The following SNAP25 variants were observed in gnomAD, a reference collection of about 807,000 sequenced individuals.
The protein encoded by SNAP25 is synaptosomal-associated protein 25.
A neutral mutation model predicts 28.7 loss-of-function variants in SNAP25; 3 were observed. The observed-to-expected ratio is 0.10, with a 90% CI of 0.05 to 0.27. The LOEUF is 0.27. Among genes scored for constraint, SNAP25 ranks in the 10% least tolerant of loss-of-function variants. The pLI, the probability that SNAP25 is intolerant of heterozygous loss-of-function variation, is 1.00. For synonymous variants in SNAP25, 61 were observed against 88.1 expected, an observed-to-expected ratio of 0.69 and a Z score of 1.72; for missense variants, 117 against 278.7, an observed-to-expected ratio of 0.42 and a Z score of 4.13.
intron 1 of SNAP25, among the ~76,000 whole-genome samples, chr20:10,223,670 A>T (rs1263804254): frequency 2.2e-5 from 3 of 133,446 alleles, no homozygotes; most frequent in African/African-American, 5.4e-5. Flanking sequence ...ACAAAAAGTT[A>T]AAAAAAAAAG....
At position 10,251,402 on chromosome 20, in the gene SNAP25, C is replaced by T. The variant is rs114017809; in HGVS notation, c.-63-24027C>T. 3.2e-3 allele frequency among the ~76,000 whole-genome samples: 494 copies of T among 152,274 alleles called. 2 individuals carry two copies. The highest frequency in any genetic ancestry group is 0.011 in the African/African-American group (464 of 41,548). ...AGCCTTGGTCCAAGCTGCCAGCCTA[C>T]TCCAGGAGATGCCATTTGTTCAGAA... On this transcript the variant is annotated intron_variant, in intron 1 of 7. Transcript: ENST00000254976.
intron 1 of SNAP25, among the ~76,000 whole-genome samples, chr20:10,238,900 G>A (rs549969357): frequency 6.7e-5 from 8 of 119,502 alleles, no homozygotes; most frequent in African/African-American, 2.1e-4. Flanking sequence ...GCAAGACTCC[G>A]TTTCAAATAA....
chr20:10,256,811 G>A (rs1034922387), intron 1 of SNAP25, among the ~76,000 whole-genome samples: 12 of 152,132 alleles, frequency 7.9e-5, no homozygotes, highest in African/African-American at 2.9e-4. Context: ...TCCAGTAACA[G>A]GAGATTAGCC....
intron 1 of SNAP25, among the ~76,000 whole-genome samples, chr20:10,236,790 C>A (rs1177377181): frequency 6.6e-6 from 1 of 151,944 alleles, no homozygotes; most frequent in Non-Finnish European, 1.5e-5. Flanking sequence ...GCTGACTCAC[C>A]CAGCTGCCTA....
chr20:10,237,919 T>A (rs2062952996), intron 1 of SNAP25, among the ~76,000 whole-genome samples: 1 of 152,200 alleles, frequency 6.6e-6, no homozygotes, highest in African/African-American at 2.4e-5. Context: ...CCATTTCTCC[T>A]GAATCCTTCT....
intron 1 of SNAP25, among the ~76,000 whole-genome samples, chr20:10,238,899 C>T (rs912013259): frequency 5.0e-5 from 6 of 120,304 alleles, no homozygotes; most frequent in East Asian, 4.4e-4. Flanking sequence ...AGCAAGACTC[C>T]GTTTCAAATA....
At chr20:10,227,911 A>G (rs1568570883) in intron 1 of SNAP25, among the ~76,000 whole-genome samples, 1 of 152,062 alleles carries the variant, frequency 6.6e-6, no homozygotes, top group African/African-American at 2.4e-5. Flanking sequence ...CTGCTGTGCT[A>G]TTAGAATTGG....
At chr20:10,266,090 C>A (rs896606945) in intron 1 of SNAP25, among the ~76,000 whole-genome samples, 1 of 152,078 alleles carries the variant, frequency 6.6e-6, no homozygotes, top group African/African-American at 2.4e-5. Flanking sequence ...AACAGTTGTG[C>A]GGCATAGAAT....
intron 1 of SNAP25, among the ~76,000 whole-genome samples, chr20:10,246,429 G>T (rs2063129508): frequency 6.6e-6 from 1 of 152,146 alleles, no homozygotes; most frequent in Non-Finnish European, 1.5e-5. Context: ...AGAATGATTG[G>T]CCGAGCCCAG....
At chr20:10,243,886 A>G (rs2122755392) in intron 1 of SNAP25, among the ~76,000 whole-genome samples, 1 of 152,092 alleles carries the variant, frequency 6.6e-6, no homozygotes, top group South Asian at 2.1e-4. Context: ...TCAGAAATCT[A>G]TGAGACACAT....
chr20:10,273,131 T>C (rs2063627170), intron 1 of SNAP25, among the ~76,000 whole-genome samples: 1 of 151,340 alleles, frequency 6.6e-6, no homozygotes, highest in Non-Finnish European at 1.5e-5. Flanking sequence ...TGCCTCCCAA[T>C]GAGTATGTTC....
intron 1 of SNAP25, among the ~76,000 whole-genome samples, chr20:10,234,712 T>G (rs1270185827): frequency 6.6e-6 from 1 of 152,190 alleles, no homozygotes; most frequent in Non-Finnish European, 1.5e-5. Flanking sequence ...ATGTCAGTAT[T>G]TGGGGAAACA....
At chr20:10,259,189 A>G (rs1047904239) in intron 1 of SNAP25, among the ~76,000 whole-genome samples, 2 of 152,226 alleles carry the variant, frequency 1.3e-5, no homozygotes, top group Admixed American at 1.3e-4. Context: ...GATGAAGTCC[A>G]GGGTGAATGC....
At chr20:10,296,094 T>A (rs2064103109) in intron 5 of SNAP25, 1 of 152,252 alleles carries the variant, frequency 6.6e-6, no homozygotes, top group African/African-American at 2.4e-5. Flanking sequence ...CTGGAGTAGT[T>A]TGGCTTAAAT....
chr20:10,268,886 A>T (rs362571), intron 1 of SNAP25, among the ~76,000 whole-genome samples: 1 of 151,772 alleles, frequency 6.6e-6, no homozygotes, highest in African/African-American at 2.4e-5. Flanking sequence ...GATGCTAAAC[A>T]TCTGTCTCAG....
intron 7 of SNAP25, among the ~76,000 whole-genome samples, chr20:10,304,429 G>A (rs61211785): frequency 0.057 from 8,736 of 152,176 alleles, 676 homozygotes; most frequent in African/African-American, 0.17. Flanking sequence ...TTGACTGGAA[G>A]CCTTAATGAC....
chr20:10,246,585 A>G (rs2063133060), intron 1 of SNAP25, among the ~76,000 whole-genome samples: 1 of 152,148 alleles, frequency 6.6e-6, no homozygotes. Context: ...CAATGCACAC[A>G]CAGCCTCAGT....
chr20:10,221,348 T>C (rs1402542617), intron 1 of SNAP25, among the ~76,000 whole-genome samples: 2 of 152,176 alleles, frequency 1.3e-5, no homozygotes, highest in Non-Finnish European at 1.5e-5. Flanking sequence ...AATTTTAGAA[T>C]AGCTTACTGA....
At chr20:10,244,126 T>C (rs932232734) in intron 1 of SNAP25, among the ~76,000 whole-genome samples, 1 of 152,230 alleles carries the variant, frequency 6.6e-6, no homozygotes, top group African/African-American at 2.4e-5. Flanking sequence ...TTGCCATGAC[T>C]AAGTTAGATA....
Sources: gnomAD v4.1 joint callset for allele counts (sites outside exome capture counted in the v4.1 genomes callset) on GRCh38, gnomAD v4.1.1 for gene constraint, MANE v1.5 for transcripts, NCBI Gene and HGNC (gene_info 2026-07-23, HGNC 2026-07-21) for gene names.